Variants in ABLIM2 observed in about 807,000 individuals in gnomAD.
ABLIM2 encodes the protein actin binding LIM protein family member 2.
Under a neutral mutation model 97.7 loss-of-function variants are expected in ABLIM2, and 53 were observed. That is an observed-to-expected ratio of 0.54 (90% CI 0.44 to 0.68). The LOEUF (loss-of-function observed/expected upper bound fraction) is 0.68, where lower values mean the gene tolerates loss of function less well. ABLIM2 is among the 30% of genes least tolerant of loss of function. The probability of loss-of-function intolerance (pLI) is 0.00; values close to 1 mark genes in which losing one functional copy is unlikely to be tolerated. For missense variants in ABLIM2, 835 were observed against 867.2 expected, an observed-to-expected ratio of 0.96 and a Z score of 0.47; for synonymous variants, 361 against 345.8, an observed-to-expected ratio of 1.04 and a Z score of -0.49.
intron 11 of ABLIM2, 105 bp from the exon 12 acceptor site, chr4:8,027,962 T>G: frequency 1.2e-6 from 1 of 804,208 alleles, no homozygotes; most frequent in South Asian, 2.4e-5. Context: ...GCTTCCTCTC[T>G]TGAGGAATGC....
intron 2 of ABLIM2, among the ~76,000 whole-genome samples, chr4:8,103,660 G>C (rs1483373528): frequency 6.6e-6 from 1 of 152,220 alleles, no homozygotes; most frequent in Non-Finnish European, 1.5e-5. Flanking sequence ...CATTGACACT[G>C]TCTCATCCCA....
chr4:8,079,928 C>T (rs181434739), intron 5 of ABLIM2, among the ~76,000 whole-genome samples: 16 of 152,312 alleles, frequency 1.1e-4, no homozygotes, highest in Middle Eastern at 3.4e-3. Context: ...GGGCCCTCTG[C>T]GCTCAGAGGA....
At position 8,120,639 on chromosome 4, in the gene ABLIM2, G is replaced by T. The variant is rs560380153; in HGVS notation, c.11-14002C>A. Among the ~76,000 whole-genome samples the T allele has an allele frequency of 1.1e-4, 16 of 152,028 alleles. No homozygotes were observed. The highest frequency in any genetic ancestry group is 2.9e-5 in the Non-Finnish European group (2 of 67,986). On this transcript the variant is annotated intron_variant, in intron 1 of 20. Transcript: ENST00000447017. The surrounding 1 kb of genome is among the most constrained non-coding windows in gnomAD (Gnocchi z 5.6). The stretch of plus-strand genomic sequence containing the variant: ...GGGAGGATGCACATCTGCCAGTCCA[G>T]CCCCCATCTGTGTGCTCTGTCGTGG...
intron 8 of ABLIM2, among the ~76,000 whole-genome samples, chr4:8,052,433 T>C (rs1003212716): frequency 6.6e-6 from 1 of 152,200 alleles, no homozygotes; most frequent in African/African-American, 2.4e-5. Flanking sequence ...CAGCAGCTAT[T>C]TGAGAGGACA....
Position 8,083,158 on chromosome 4 carries a change from T to C in ABLIM2, c.455-2356A>G, listed in dbSNP as rs994629297. On this transcript the variant is annotated intron_variant, in intron 4 of 20. Transcript: ENST00000447017. The surrounding 1 kb of genome is among the most constrained non-coding windows in gnomAD (Gnocchi z 4.6). ...TCCCCGGCTCCAAGCCTCTGTTGGC[T>C]TCTCTGCATGTCAAGGGAGCACAGC... 6.6e-6 allele frequency among the ~76,000 whole-genome samples: 1 copy of C among 152,148 alleles called. No homozygotes were observed.
intron 20 of ABLIM2, among the ~76,000 whole-genome samples, chr4:7,977,638 A>C (rs1467083620): frequency 2.0e-5 from 3 of 151,932 alleles, no homozygotes; most frequent in South Asian, 2.1e-4. Flanking sequence ...AAAAACACAA[A>C]AAATTAGCCG....
At position 8,019,348 on chromosome 4, in the gene ABLIM2, C is replaced by A. The variant is rs1357744231; in HGVS notation, c.1423+270G>T. 2.0e-5 allele frequency among the ~76,000 whole-genome samples: 3 copies of A among 152,214 alleles called. No homozygotes were observed. Among genetic ancestry groups the A allele is most frequent in the African/African-American group, 7.2e-5 (3 of 41,452 alleles). On this transcript the variant is annotated intron_variant, in intron 14 of 20. Coordinates refer to ENST00000447017, the MANE Select transcript of ABLIM2 (RefSeq NM_001130083.2). This position sits in a 1 kb window ranked among gnomAD's most constrained non-coding sequence, Gnocchi z 4.3. ...CCACCACCAGGCTCTTGGCTATAAA[C>A]CCCCATCCCAAGCCCTGGCTGATGT...
At chr4:7,967,246 G>A (rs1193620778) in intron 20 of ABLIM2, 143 bp from the exon 21 acceptor site, 3 of 704,386 alleles carry the variant, frequency 4.3e-6, no homozygotes, top group Admixed American at 2.1e-5. Context: ...CCTCCTGGCG[G>A]TTCCTGACAC....
Position 8,045,246 on chromosome 4 carries a change from G to A in ABLIM2, c.823-5C>T. 1 of 1,613,046 alleles carries A rather than the reference G, an allele frequency of 6.2e-7. No homozygotes were observed. Among genetic ancestry groups the A allele is most frequent in the South Asian group, 1.1e-5 (1 of 91,074 alleles). On this transcript the variant is annotated splice_polypyrimidine_tract_variant and splice_region_variant and intron_variant, in intron 8 of 20. Coordinates refer to ENST00000447017, the MANE Select transcript of ABLIM2 (RefSeq NM_001130083.2). ...CTCTGAGGAAGTTCTGGTTTCCTGA[G>A]AAAGGAGAGAGGAAGAGATTGAAGG...
chr4:8,092,692 A>G (rs1456896660), intron 3 of ABLIM2, among the ~76,000 whole-genome samples: 1 of 151,862 alleles, frequency 6.6e-6, no homozygotes, highest in Non-Finnish European at 1.5e-5. Context: ...AAGTGTCCCA[A>G]ACCCCCTTTG....
In ABLIM2 at chr4:8,023,015, TCA is replaced by T. The variant is rs1774923165; in HGVS notation, c.1268-2714_1268-2713del. ...CCTTTCTCCTCCTCCTCTTCCTCCT[TCA>T]CTTTTTCCTCTTTCTCCTCCTCCTC... is the stretch of plus-strand genomic sequence containing the variant. On this transcript the variant is annotated intron_variant, in intron 12 of 20. Coordinates refer to ENST00000447017, the MANE Select transcript of ABLIM2 (RefSeq NM_001130083.2). The surrounding 1 kb of genome is among the most constrained non-coding windows in gnomAD (Gnocchi z 5.7). 1 of 151,916 alleles carries T rather than the reference TCA, an allele frequency of 6.6e-6. No individual in the cohort carries two copies. The highest frequency in any genetic ancestry group is 2.1e-4 in the South Asian group (1 of 4,772). The allele number at this position is 151,916 out of a possible 1,614,324, so 9.4% of individuals were successfully genotyped here.
chr4:8,010,363 G>A (rs71603905), intron 14 of ABLIM2: 16,427 of 985,488 alleles, frequency 0.017, 142 homozygotes, highest in African/African-American at 0.026. Flanking sequence ...ACAAAAACCC[G>A]TCTCCGTCCC....
rs1042035738 is a variant in ABLIM2 at position 8,044,019 on chromosome 4, T to C, written c.900+1145A>G. ...ACTCACTCTCCAGGCCAGCAGTGCG[T>C]CATGGTAACTGAGGACTCGTGCACC... On this transcript the variant is annotated intron_variant, in intron 9 of 20. Transcript: ENST00000447017. This position sits in a 1 kb window ranked among gnomAD's most constrained non-coding sequence, Gnocchi z 4.4. Among the ~76,000 whole-genome samples the C allele has an allele frequency of 6.6e-5, 10 of 152,280 alleles. No individual in the cohort carries two copies. The highest frequency in any genetic ancestry group is 1.3e-4 in the Admixed American group (2 of 15,304).
chr4:8,077,056 G>T (rs1462926188), intron 6 of ABLIM2, among the ~76,000 whole-genome samples: 2 of 151,738 alleles, frequency 1.3e-5, no homozygotes, highest in Non-Finnish European at 2.9e-5. Context: ...ATGGGGGTTG[G>T]GGGTCTGTGA....
At chr4:8,081,751 G>C (rs1446509082) in intron 4 of ABLIM2, among the ~76,000 whole-genome samples, 1 of 152,174 alleles carries the variant, frequency 6.6e-6, no homozygotes, top group African/African-American at 2.4e-5. Context: ...GAGCGGCAGA[G>C]ACGCTGTGAC....
At position 8,015,870 on chromosome 4, in the gene ABLIM2, T is replaced by C. The variant is rs1768696561; in HGVS notation, c.1423+3748A>G. On this transcript the variant is annotated intron_variant, in intron 14 of 20. Coordinates refer to ENST00000447017, the MANE Select transcript of ABLIM2 (RefSeq NM_001130083.2). This position sits in a 1 kb window ranked among gnomAD's most constrained non-coding sequence, Gnocchi z 4.6. ...TCCCTCATGAAATCCTTTTATTTAT[T>C]TATTTTTATTTTTGAGTTTTTCATC... Among the ~76,000 whole-genome samples, 1 of 152,124 alleles carries C rather than the reference T, an allele frequency of 6.6e-6. No homozygotes were observed. Among genetic ancestry groups the C allele is most frequent in the Admixed American group, 6.5e-5 (1 of 15,268 alleles).
At chr4:7,983,581 C>G in intron 18 of ABLIM2, 27 bp from the exon 19 acceptor site, 2 of 1,611,794 alleles carry the variant, frequency 1.2e-6, no homozygotes, top group Non-Finnish European at 1.7e-6. Flanking sequence ...GCGGAGACCA[C>G]GAAATGGTTT....
chr4:7,992,039 C>G lies in ABLIM2; in HGVS notation c.1680+827G>C, dbSNP rs759396787. 3.9e-5 allele frequency among the ~76,000 whole-genome samples: 6 copies of G among 152,124 alleles called. No individual in the cohort carries two copies. The highest frequency in any genetic ancestry group is 7.4e-5 in the Non-Finnish European group (5 of 67,998). On this transcript the variant is annotated intron_variant, in intron 17 of 20. Transcript: ENST00000447017. This position sits in a 1 kb window ranked among gnomAD's most constrained non-coding sequence, Gnocchi z 5.7. ...TTATGAACAAATTTCCAGACTGGGACGAGGCTGCCTTGCGCAATGGGGAGA... is the reference window on the plus strand; with the variant it reads ...TTATGAACAAATTTCCAGACTGGGAGGAGGCTGCCTTGCGCAATGGGGAGA...
rs1217353959 is a variant in ABLIM2, at chr4:8,158,749, G to C, written c.-60C>G. 3 of 1,334,622 alleles carry C rather than the reference G, an allele frequency of 2.2e-6. No homozygotes were observed. Among genetic ancestry groups the C allele is most frequent in the Non-Finnish European group, 1.9e-6 (2 of 1,045,026 alleles). 82.7% of individuals were successfully genotyped at this position (1,334,622 alleles called of 1,614,324 possible). On this transcript the variant is annotated 5_prime_UTR_variant, in exon 1 of 21. Coordinates refer to ENST00000447017, the MANE Select transcript of ABLIM2 (RefSeq NM_001130083.2). ...CTGCGACAGCCAGACCCTCGGGCCCGCAGGTGCCGCGCCCGCGCTATCCTC... is the reference window on the plus strand; with the variant it reads ...CTGCGACAGCCAGACCCTCGGGCCCCCAGGTGCCGCGCCCGCGCTATCCTC...
Sources: allele counts gnomAD v4.1 joint callset (sites outside exome capture counted in the v4.1 genomes callset), GRCh38; gene constraint gnomAD v4.1.1; non-coding constraint Gnocchi (gnomAD v3.1); transcripts MANE v1.5; gene names NCBI Gene and HGNC (gene_info 2026-07-23, HGNC 2026-07-21).